The following GRIK4 variants were observed in gnomAD, a reference collection of about 807,000 sequenced individuals.
GRIK4 encodes glutamate receptor ionotropic, kainate 4.
GRIK4 carries 40 observed loss-of-function variants against 104.9 expected under a neutral mutation model. That is an observed-to-expected ratio of 0.38 (90% CI 0.30 to 0.50). The LOEUF (loss-of-function observed/expected upper bound fraction) is 0.50, where lower values mean the gene tolerates loss of function less well. GRIK4 is among the 20% of genes least tolerant of loss of function. GRIK4 has a pLI of 0.93. For missense variants in GRIK4, 1,047 were observed against 1,308.1 expected (o/e 0.80, Z 3.08); for synonymous variants, 485 against 524.9 (o/e 0.92, Z 1.04).
At chr11:120,602,631 C>T (rs908410138) in intron 1 of GRIK4, among the ~76,000 whole-genome samples, 25 of 152,196 alleles carry the variant, frequency 1.6e-4, no homozygotes, top group Non-Finnish European at 2.6e-4. Flanking sequence ...CCCATAGTTC[C>T]GATTGAAGGC....
intron 3 of GRIK4, among the ~76,000 whole-genome samples, chr11:120,777,936 C>CAA (rs200698302): frequency 1.4e-4 from 16 of 112,276 alleles, no homozygotes; most frequent in Admixed American, 4.5e-4. Flanking sequence ...GACTCCATCT[C>CAA]AAAAAAAAAA....
intron 7 of GRIK4, 29 bp downstream of exon 7, chr11:120,832,059 C>G: frequency 6.6e-7 from 1 of 1,518,200 alleles, no homozygotes; most frequent in Non-Finnish European, 9.0e-7. Flanking sequence ...CCCCCACCCC[C>G]TGCTGAGCTC....
intron 1 of GRIK4, among the ~76,000 whole-genome samples, chr11:120,604,842 C>T (rs888032110): frequency 6.6e-5 from 10 of 152,132 alleles, no homozygotes; most frequent in Non-Finnish European, 1.2e-4. Flanking sequence ...TTGGAATGGC[C>T]AGAAGTGGGG....
chr11:120,710,116 T>C (rs1328627969), intron 3 of GRIK4, among the ~76,000 whole-genome samples: 5 of 152,116 alleles, frequency 3.3e-5, no homozygotes, highest in Non-Finnish European at 7.4e-5. Context: ...ACGAAATGAC[T>C]GACACCACGT....
intron 14 of GRIK4, among the ~76,000 whole-genome samples, chr11:120,943,013 G>A (rs1329629517): frequency 6.6e-6 from 1 of 151,900 alleles, no homozygotes; most frequent in Non-Finnish European, 1.5e-5. Context: ...TAGGCTGCCT[G>A]CCTTTTGGAC....
At chr11:120,974,867 C>A (rs1352700084) in intron 19 of GRIK4, among the ~76,000 whole-genome samples, 1 of 152,202 alleles carries the variant, frequency 6.6e-6, no homozygotes. Flanking sequence ...TTTCTTCTGC[C>A]TTTTCTTTTC....
In GRIK4 at chr11:120,861,989, GTGGA is replaced by G; in HGVS notation, c.778_781del (p.Asp260IlefsTer56). 6.2e-7 allele frequency: 1 copy of G among 1,613,828 alleles called. No individual in the cohort carries two copies. Among genetic ancestry groups the G allele is most frequent in the Non-Finnish European group, 8.5e-7 (1 of 1,179,682 alleles). ...CTCACTCCAGAGAATGGACAGCCTT[GTGGA>G]TGATCGTGTCAACATCCTGGGATTT... On this transcript the variant is annotated frameshift_variant, in exon 9 of 21. Transcript: ENST00000527524. LOFTEE classifies it high-confidence loss of function.
At chr11:120,739,118 T>A (rs1268984630) in intron 3 of GRIK4, among the ~76,000 whole-genome samples, 2 of 151,996 alleles carry the variant, frequency 1.3e-5, no homozygotes, top group African/African-American at 4.8e-5. Context: ...CTTAGTTGAG[T>A]TTCCAAGGCT....
chr11:120,535,193 G>C (rs1031975994), intron 1 of GRIK4, among the ~76,000 whole-genome samples: 1 of 152,016 alleles, frequency 6.6e-6, no homozygotes, highest in Non-Finnish European at 1.5e-5. Flanking sequence ...GCAGGCTCCA[G>C]CACACCCGGG....
intron 13 of GRIK4, among the ~76,000 whole-genome samples, chr11:120,920,218 T>G (rs1256997533): frequency 6.6e-6 from 1 of 152,162 alleles, no homozygotes; most frequent in South Asian, 2.1e-4. Flanking sequence ...CACCCCTGGA[T>G]TACTATGAGA....
chr11:120,851,191 T>TA (rs1340991738), intron 8 of GRIK4, among the ~76,000 whole-genome samples: 4 of 152,196 alleles, frequency 2.6e-5, no homozygotes, highest in African/African-American at 9.7e-5. Context: ...ACCCTCAGGA[T>TA]AAAGTCTGAA....
intron 3 of GRIK4, among the ~76,000 whole-genome samples, chr11:120,728,039 C>A (rs946360896): frequency 2.6e-5 from 4 of 152,138 alleles, no homozygotes; most frequent in Admixed American, 2.6e-4. Context: ...TGAAATTAAA[C>A]ATATATAAAT....
chr11:120,861,721 A>G (rs1313330977), intron 8 of GRIK4, among the ~76,000 whole-genome samples: 1 of 152,016 alleles, frequency 6.6e-6, no homozygotes, highest in African/African-American at 2.4e-5. Flanking sequence ...TAGCTAGTGC[A>G]TCTTGTATAT....
At chr11:120,792,327 A>C (rs1304098593) in intron 3 of GRIK4, among the ~76,000 whole-genome samples, 1 of 151,512 alleles carries the variant, frequency 6.6e-6, no homozygotes, top group African/African-American at 2.4e-5. Flanking sequence ...GCAGGGAAGC[A>C]CAATATAAGG....
At chr11:120,834,866 C>T (rs1363474325) in intron 7 of GRIK4, among the ~76,000 whole-genome samples, 1 of 152,268 alleles carries the variant, frequency 6.6e-6, no homozygotes, top group African/African-American at 2.4e-5. Context: ...TAGCTCCCCA[C>T]TGTGACCCCG....
At chr11:120,543,799 T>C (rs1311958023) in intron 1 of GRIK4, among the ~76,000 whole-genome samples, 4 of 152,222 alleles carry the variant, frequency 2.6e-5, no homozygotes, top group African/African-American at 9.6e-5. Flanking sequence ...TGAATATTAT[T>C]CAGCCTTAAT....
At chr11:120,928,994 C>CGT (rs1565445101) in intron 13 of GRIK4, among the ~76,000 whole-genome samples, 16 of 145,832 alleles carry the variant, frequency 1.1e-4, no homozygotes, top group African/African-American at 2.9e-4. Context: ...TGTGTGCGCG[C>CGT]GTGCACGCGT....
At chr11:120,747,449 C>G (rs1001978297) in intron 3 of GRIK4, among the ~76,000 whole-genome samples, 20 of 152,138 alleles carry the variant, frequency 1.3e-4, no homozygotes, top group Non-Finnish European at 2.2e-4. Context: ...ATGAAAATGT[C>G]TGGAAGGAAG....
chr11:120,909,435 A>C (rs1056358983), intron 13 of GRIK4, among the ~76,000 whole-genome samples: 1 of 152,196 alleles, frequency 6.6e-6, no homozygotes, highest in African/African-American at 2.4e-5. Context: ...ACATTGGGTA[A>C]GCCTAGGATT....
Sources: gnomAD v4.1 joint callset for allele counts (sites outside exome capture counted in the v4.1 genomes callset) on GRCh38, gnomAD v4.1.1 for gene constraint, MANE v1.5 for transcripts, NCBI Gene and HGNC (gene_info 2026-07-23, HGNC 2026-07-21) for gene names.